Variants in STK40 observed in about 807,000 individuals in gnomAD.
The protein encoded by STK40 is serine/threonine kinase 40.
A neutral mutation model predicts 47.9 loss-of-function variants in STK40; 13 were observed. The ratio of observed to expected loss-of-function variants is 0.27; its 90% CI spans 0.18 to 0.43. The LOEUF (loss-of-function observed/expected upper bound fraction) is 0.43. Ranked by LOEUF, STK40 falls within the 20% of genes least tolerant of loss-of-function variation. The probability of loss-of-function intolerance (pLI) is 1.00; values close to 1 mark genes in which losing one functional copy is unlikely to be tolerated. For synonymous variants in STK40, 225 were observed against 243.2 expected (o/e 0.93, Z 0.69); for missense variants, 460 against 595.1 (o/e 0.77, Z 2.36).
At chr1:36,369,532 T>C (rs1008989719) in intron 1 of STK40, among the ~76,000 whole-genome samples, 5 of 152,242 alleles carry the variant, frequency 3.3e-5, no homozygotes, top group East Asian at 1.9e-4. Context: ...ATCCCGAGTA[T>C]GCCATGAACA....
chr1:36,382,220 C>T (rs1251606257), intron 1 of STK40, among the ~76,000 whole-genome samples: 1 of 151,928 alleles, frequency 6.6e-6, no homozygotes, highest in Non-Finnish European at 1.5e-5. Context: ...CACTGTGTCA[C>T]CTAAACTGGA....
At position 36,361,225 on chromosome 1, in the gene STK40, G is replaced by A. The variant is rs1454993226; in HGVS notation, c.108C>T (p.Ile36=). The part of the protein sequence containing the change: ...GNNAKRAGPF[I]LGPRLGNSPV... The stretch of plus-strand genomic sequence containing the variant: ...TCCCAAAGGTCAGAGGCTTACCAAG[G>A]ATGAATGGTCCAGCTCTCTTTGCAT... Residue 36 remains isoleucine, a synonymous_variant, in exon 2 of 11, where the codon ATC becomes ATT. Coordinates refer to ENST00000373132, the MANE Select transcript of STK40 (RefSeq NM_001282547.2). The A allele has an allele frequency of 1.9e-6, 3 of 1,614,060 alleles. No individual in the cohort carries two copies. The highest frequency in any genetic ancestry group is 1.7e-6 in the Non-Finnish European group (2 of 1,180,048).
At chr1:36,355,464 G>C in intron 4 of STK40, 31 bp from the exon 5 acceptor site, 1 of 1,611,800 alleles carries the variant, frequency 6.2e-7, no homozygotes, top group Non-Finnish European at 8.5e-7. Context: ...GCAGGGCTTG[G>C]CTGTGAACTT....
In STK40 at chr1:36,354,430, G is replaced by C; in HGVS notation, c.571-14C>G. 1 of 1,613,978 alleles carries C rather than the reference G, an allele frequency of 6.2e-7. No individual in the cohort carries two copies. The highest frequency in any genetic ancestry group is 8.5e-7 in the Non-Finnish European group (1 of 1,179,908). ...CACGATATTTTTCTGTAAAACAACA[G>C]GCGTATGGTTTACATTGTCAATGTG... On this transcript the variant is annotated splice_polypyrimidine_tract_variant and intron_variant, in intron 5 of 10. Coordinates refer to ENST00000373132, the MANE Select transcript of STK40 (RefSeq NM_001282547.2).
At chr1:36,377,979 C>T (rs1647006501) in intron 1 of STK40, among the ~76,000 whole-genome samples, 1 of 152,198 alleles carries the variant, frequency 6.6e-6, no homozygotes, top group South Asian at 2.1e-4. Flanking sequence ...GCCCATTTTA[C>T]AGAGGAGGAA....
chr1:36,358,359 C>T lies in STK40; in HGVS notation c.222G>A (p.Gly74=), dbSNP rs768763857. The T allele has an allele frequency of 1.2e-5, 20 of 1,604,676 alleles. No individual in the cohort carries two copies. Among genetic ancestry groups the T allele is most frequent in the Non-Finnish European group, 1.7e-5 (20 of 1,172,120 alleles). ...CTTCCTGGCTCTCTATGCCTTGGTC[C>T]CCCCTCTCCTCCAGGGTCAGGATCT... ...QLKILTLEER[G]DQGIESQEER... Residue 74 remains glycine, a synonymous_variant, in exon 4 of 11, where the codon GGG becomes GGA. Transcript: ENST00000373132.
At chr1:36,356,647 A>G (rs182343413) in intron 4 of STK40, among the ~76,000 whole-genome samples, 1,790 of 151,926 alleles carry the variant, frequency 0.012, 43 homozygotes, top group African/African-American at 0.038. Context: ...GTATGGTCTC[A>G]ATCTCCTGAC....
Position 36,343,971 on chromosome 1 carries a change from C to A in STK40, c.893G>T (p.Arg298Leu), listed in dbSNP as rs774795614. Reference sequence around the variant, plus strand: ...GAGACACACGGTGTTCTCAGAAACCCGTCCATCCCTGAGGCAGGGAGTTGG... The same window carrying A: ...GAGACACACGGTGTTCTCAGAAACCAGTCCATCCCTGAGGCAGGGAGTTGG... ...AAEYTIPEDG[R>L]VSENTVCLIR... is the part of the protein sequence containing the mutation. The change falls in exon 9 of 11, where the codon CGG becomes CTG. Residue 298 changes from arginine (R) to leucine (L), a missense_variant. By Grantham distance (102) the Arg-to-Leu change is moderately radical. Transcript: ENST00000373132. 5.0e-6 allele frequency: 8 copies of A among 1,602,604 alleles called. No individual in the cohort carries two copies. The highest frequency in any genetic ancestry group is 6.0e-6 in the Non-Finnish European group (7 of 1,171,706).
chr1:36,363,088 G>C (rs1157975489), intron 1 of STK40, among the ~76,000 whole-genome samples: 2 of 152,128 alleles, frequency 1.3e-5, no homozygotes, highest in Non-Finnish European at 2.9e-5. Context: ...CCAGGACACG[G>C]AGTCTACAGT....
At chr1:36,368,319 G>C (rs1234536359) in intron 1 of STK40, among the ~76,000 whole-genome samples, 1 of 152,018 alleles carries the variant, frequency 6.6e-6, no homozygotes, top group Non-Finnish European at 1.5e-5. Context: ...CTGTCACCCA[G>C]ACTGGAGTGC....
At chr1:36,345,369 C>T (rs1011256223) in intron 7 of STK40, among the ~76,000 whole-genome samples, 5 of 152,220 alleles carry the variant, frequency 3.3e-5, no homozygotes, top group Admixed American at 6.5e-5. Flanking sequence ...CCTCAGCCTG[C>T]GTCTTCAGAA....
In STK40 at chr1:36,356,786, G is replaced by A. The variant is rs1011537475; in HGVS notation, c.343-1353C>T. Among the ~76,000 whole-genome samples the A allele has an allele frequency of 1.1e-4, 16 of 152,146 alleles. No individual in the cohort carries two copies. The South Asian group carries it at 1.9e-3, about 18-fold the overall frequency. On this transcript the variant is annotated intron_variant, in intron 4 of 10. Transcript: ENST00000373132. ...ATTTGCTTTTCCTAGCACAGTGTCT[G>A]GCACACAAACAGTACACTAGAAACA...
At chr1:36,383,061 G>T (rs971128290) in intron 1 of STK40, among the ~76,000 whole-genome samples, 2 of 152,152 alleles carry the variant, frequency 1.3e-5, no homozygotes, top group Admixed American at 6.6e-5. Flanking sequence ...AGATTCTCCT[G>T]TCTCAGCCTC....
At position 36,358,835 on chromosome 1, in the gene STK40, G is replaced by C. The variant is rs753383780; in HGVS notation, c.113-13C>G. ...CCCAGACGGGGACCTACGGCACAGA[G>C]AGCTGCTGGTCTACTTTTCAGAAGC... On this transcript the variant is annotated splice_polypyrimidine_tract_variant and intron_variant, in intron 2 of 10. Transcript: ENST00000373132. 1 of 1,614,088 alleles carries C rather than the reference G, an allele frequency of 6.2e-7. No individual in the cohort carries two copies. The highest frequency in any genetic ancestry group is 1.1e-5 in the South Asian group (1 of 91,084).
At chr1:36,347,309 G>C (rs1272408937) in intron 7 of STK40, among the ~76,000 whole-genome samples, 1 of 152,220 alleles carries the variant, frequency 6.6e-6, no homozygotes, top group Non-Finnish European at 1.5e-5. Context: ...GGAGGGATGG[G>C]AGCTGGTGTA....
chr1:36,348,662 T>C (rs949175943), intron 7 of STK40, 38 bp downstream of exon 7: 8 of 1,556,670 alleles, frequency 5.1e-6, no homozygotes, highest in Admixed American at 3.7e-5. Flanking sequence ...CCTGGCTGTA[T>C]TGAGCTTAGA....
intron 1 of STK40, among the ~76,000 whole-genome samples, chr1:36,384,677 CTTG>C (rs946835292): frequency 2.0e-5 from 3 of 152,206 alleles, no homozygotes; most frequent in Non-Finnish European, 4.4e-5. Context: ...GGCAAGGACT[CTTG>C]TTGTGGTCAT....
At chr1:36,385,669 C>G (rs913365775) in intron 1 of STK40, 54 bp downstream of exon 1, 4 of 154,312 alleles carry the variant, frequency 2.6e-5, no homozygotes, top group African/African-American at 7.2e-5. Flanking sequence ...CGGGGCCCGC[C>G]CCGCCTACCC....
intron 4 of STK40, among the ~76,000 whole-genome samples, chr1:36,357,512 G>A (rs1475256270): frequency 6.6e-6 from 1 of 152,110 alleles, no homozygotes; most frequent in Non-Finnish European, 1.5e-5. Context: ...GGTACACACT[G>A]TTAATCAATA....
Sources: gnomAD v4.1 joint callset for allele counts (sites outside exome capture counted in the v4.1 genomes callset) on GRCh38, gnomAD v4.1.1 for gene constraint, MANE v1.5 for transcripts, NCBI Gene and HGNC (gene_info 2026-07-23, HGNC 2026-07-21) for gene names.